Variants in CDH12 observed in about 807,000 individuals in gnomAD.
CDH12 encodes cadherin 12.
A neutral mutation model predicts 74.1 loss-of-function variants in CDH12; 41 were observed. The observed-to-expected ratio is 0.55, with a 90% confidence interval of 0.43 to 0.72. CDH12 has a LOEUF of 0.72. CDH12 is among the 30% of genes least tolerant of loss of function. The pLI, the probability that CDH12 is intolerant of heterozygous loss-of-function variation, is 0.00. For missense variants in CDH12, 945 were observed against 977.2 expected (o/e 0.97, Z 0.44); for synonymous variants, 399 against 355.0 (o/e 1.12, Z -1.39).
intron 2 of CDH12, among the ~76,000 whole-genome samples, chr5:22,491,621 A>AG (rs1554044827): frequency 1.2e-3 from 3 of 2,548 alleles, no homozygotes; most frequent in Non-Finnish European, 8.2e-3. Context: ...AAAAAAAAAA[A>AG]CAAAAAAAAA....
chr5:22,618,510 T>A lies in CDH12; in HGVS notation c.-522-113146A>T, dbSNP rs376525493. Among the ~76,000 whole-genome samples, 34 of 152,236 alleles carry A rather than the reference T, an allele frequency of 2.2e-4. No individual in the cohort carries two copies. In the East Asian group the frequency reaches 5.8e-3, roughly 26 times the overall value. On this transcript the variant is annotated intron_variant, in intron 1 of 14. Coordinates refer to ENST00000382254, the MANE Select transcript of CDH12 (RefSeq NM_004061.5). ...AGCTCTTGTTGCACTGTGCCTGAAC[T>A]TTGGATTGTGTGCTGACCTTAATTA... is the stretch of plus-strand genomic sequence containing the variant.
intron 2 of CDH12, among the ~76,000 whole-genome samples, chr5:22,499,774 C>T (rs1041894814): frequency 7.2e-5 from 11 of 152,050 alleles, no homozygotes; most frequent in African/African-American, 2.7e-4. Context: ...AAAGATAAGG[C>T]AGTGTGACTT....
At chr5:22,060,328 G>A (rs1450144157) in intron 5 of CDH12, among the ~76,000 whole-genome samples, 1 of 151,742 alleles carries the variant, frequency 6.6e-6, no homozygotes, top group East Asian at 1.9e-4. Context: ...GGGGTTGGGG[G>A]GCAAGGGGAG....
At chr5:22,124,025 C>A (rs980364537) in intron 4 of CDH12, among the ~76,000 whole-genome samples, 7 of 151,098 alleles carry the variant, frequency 4.6e-5, no homozygotes, top group Non-Finnish European at 1.0e-4. Context: ...TGGAGTGCAG[C>A]GGTGCGATCT....
chr5:21,856,725 T>G (rs1217013697), intron 6 of CDH12, among the ~76,000 whole-genome samples: 1 of 151,744 alleles, frequency 6.6e-6, no homozygotes. Flanking sequence ...TTTAAAGGAG[T>G]GAATTGGAAA....
chr5:22,547,271 A>G (rs956163496), intron 1 of CDH12, among the ~76,000 whole-genome samples: 1 of 152,172 alleles, frequency 6.6e-6, no homozygotes, highest in Non-Finnish European at 1.5e-5. Flanking sequence ...CAGACAAGAG[A>G]CTTGTTACAT....
intron 1 of CDH12, among the ~76,000 whole-genome samples, chr5:22,792,784 T>C (rs956281142): frequency 1.3e-5 from 2 of 152,168 alleles, no homozygotes; most frequent in African/African-American, 4.8e-5. Context: ...TCAGTGTAAT[T>C]TTACCAGCAC....
chr5:22,143,902 G>T (rs982351209), intron 4 of CDH12: 1 of 151,850 alleles, frequency 6.6e-6, no homozygotes, highest in African/African-American at 2.4e-5. Flanking sequence ...GGATTTGTAA[G>T]AAACATTTAA....
intron 1 of CDH12, among the ~76,000 whole-genome samples, chr5:22,663,314 G>A (rs780824660): frequency 2.6e-5 from 4 of 152,046 alleles, no homozygotes; most frequent in African/African-American, 4.8e-5. Context: ...CTCCCGAGGA[G>A]GACTACCTTA....
chr5:22,589,099 G>T (rs1319047535), intron 1 of CDH12, among the ~76,000 whole-genome samples: 1 of 152,036 alleles, frequency 6.6e-6, no homozygotes, highest in African/African-American at 2.4e-5. Context: ...TTCCCAATAT[G>T]GGCTTGGCTG....
At chr5:22,256,420 T>C (rs1753321429) in intron 3 of CDH12, among the ~76,000 whole-genome samples, 1 of 152,204 alleles carries the variant, frequency 6.6e-6, no homozygotes, top group African/African-American at 2.4e-5. Context: ...GCACTGTCAG[T>C]TCTATAAAAG....
intron 8 of CDH12, among the ~76,000 whole-genome samples, chr5:21,829,605 G>A (rs1177662384): frequency 6.6e-6 from 1 of 151,930 alleles, no homozygotes; most frequent in Non-Finnish European, 1.5e-5. Flanking sequence ...TCATTTCCTT[G>A]TCTATATAAT....
intron 2 of CDH12, among the ~76,000 whole-genome samples, chr5:22,486,415 G>A (rs1173283185): frequency 6.7e-6 from 1 of 150,244 alleles, no homozygotes; most frequent in Non-Finnish European, 1.5e-5. Context: ...AATTACAGAT[G>A]AAGCAAAAGG....
At chr5:22,145,497 T>G (rs1580319342) in intron 4 of CDH12, among the ~76,000 whole-genome samples, 2 of 152,220 alleles carry the variant, frequency 1.3e-5, no homozygotes, top group South Asian at 2.1e-4. Flanking sequence ...TCTCCACAAA[T>G]AAAACTCTAA....
chr5:22,523,212 G>A (rs542650937), intron 1 of CDH12, among the ~76,000 whole-genome samples: 5 of 152,122 alleles, frequency 3.3e-5, no homozygotes, highest in African/African-American at 1.2e-4. Flanking sequence ...GAAAGGGGTG[G>A]TGCTGATTTC....
intron 8 of CDH12, among the ~76,000 whole-genome samples, chr5:21,819,630 G>A (rs1366226179): frequency 6.6e-6 from 1 of 151,994 alleles, no homozygotes; most frequent in Non-Finnish European, 1.5e-5. Context: ...GGAAGTCGAT[G>A]TTGAATAGTG....
chr5:22,728,710 T>C (rs1037663708), intron 1 of CDH12, among the ~76,000 whole-genome samples: 9 of 151,836 alleles, frequency 5.9e-5, no homozygotes, highest in African/African-American at 1.2e-4. Context: ...GGAGTCAGCC[T>C]CCTAATTTGC....
At chr5:22,105,205 C>T (rs1744359191) in intron 4 of CDH12, among the ~76,000 whole-genome samples, 1 of 151,942 alleles carries the variant, frequency 6.6e-6, no homozygotes, top group Non-Finnish European at 1.5e-5. Flanking sequence ...GATTCTCCTG[C>T]CTCAGCCTCC....
chr5:22,207,232 A>AG (rs1751273695), intron 4 of CDH12, among the ~76,000 whole-genome samples: 1 of 144,558 alleles, frequency 6.9e-6, no homozygotes, highest in African/African-American at 2.5e-5. Context: ...AAAAAAAAAG[A>AG]AAAAAAAAAG....
Sources: allele counts gnomAD v4.1 joint callset (sites outside exome capture counted in the v4.1 genomes callset), GRCh38; gene constraint gnomAD v4.1.1; transcripts MANE v1.5; gene names NCBI Gene and HGNC (gene_info 2026-07-23, HGNC 2026-07-21).